The following POLN variants were observed in gnomAD, a reference collection of about 807,000 sequenced individuals.
POLN encodes DNA polymerase nu.
In POLN, 108 loss-of-function variants were observed where a neutral mutation model predicts 113.5. The ratio of observed to expected loss-of-function variants is 0.95; its 90% CI spans 0.81 to 1.12. The LOEUF (loss-of-function observed/expected upper bound fraction) is 1.12. POLN is among the 50% of genes most tolerant of loss of function. The pLI is 0.00. For missense variants in POLN, 1,097 were observed against 1,077.1 expected (o/e 1.02, Z -0.26); for synonymous variants, 386 against 391.5 (o/e 0.99, Z 0.17).
chr4:2,089,606 C>A (rs1023576546), intron 20 of POLN: 3 of 977,874 alleles, frequency 3.1e-6, no homozygotes, highest in African/African-American at 3.3e-5. Flanking sequence ...TTTAAATTAT[C>A]AACAGTCATA....
At chr4:2,154,864 T>G (rs1732385901) in intron 16 of POLN, among the ~76,000 whole-genome samples, 1 of 152,204 alleles carries the variant, frequency 6.6e-6, no homozygotes, top group African/African-American at 2.4e-5. Flanking sequence ...GACACAAACT[T>G]CCAGTTAAAG....
At chr4:2,241,942 G>A (rs1211423740) in intron 1 of POLN, 109 bp downstream of exon 1, 15 of 985,408 alleles carry the variant, frequency 1.5e-5, no homozygotes, top group Non-Finnish European at 7.2e-6. Flanking sequence ...CCTGGAAGGA[G>A]CCCCCAGGAG....
Position 2,131,260 on chromosome 4 carries a change from G to C in POLN, c.1762C>G (p.Gln588Glu), listed in dbSNP as rs774453250. Residue 588 changes from glutamine (Q) to glutamate (E), a missense_variant, in exon 17 of 26, where the codon CAG (glutamine) becomes GAG (glutamate). Gln to Glu is a conservative substitution (Grantham distance 29, BLOSUM62 2). Coordinates refer to ENST00000511885, the MANE Select transcript of POLN (RefSeq NM_181808.4). ...NIQGISKHPI[Q>E]ITTPKNFKGK... is the part of the protein sequence containing the mutation. ...TTAAAATTCTTAGGTGTAGTAATCT[G>C]AATTGGGTGCTTGGAGATACCTTGG... 1.3e-6 allele frequency: 2 copies of C among 1,593,374 alleles called. No homozygotes were observed. Among genetic ancestry groups the C allele is most frequent in the African/African-American group, 2.7e-5 (2 of 74,410 alleles).
Position 2,072,958 on chromosome 4 carries a change from G to A in POLN, c.2517+10C>T, listed in dbSNP as rs780931377. On this transcript the variant is annotated intron_variant, in intron 25 of 25. Coordinates refer to ENST00000511885, the MANE Select transcript of POLN (RefSeq NM_181808.4). ...TCCGGAAGACCGGGCAGGCTTAAGT[G>A]TCCCCTCACCTGAAGCTGCAGCTCC... The A allele has an allele frequency of 1.2e-6, 2 of 1,612,752 alleles. No individual in the cohort carries two copies. Among genetic ancestry groups the A allele is most frequent in the Non-Finnish European group, 1.7e-6 (2 of 1,179,756 alleles).
At position 2,109,014 on chromosome 4, in the gene POLN, G is replaced by A. The variant is rs551875723; in HGVS notation, c.1983-13081C>T. The stretch of plus-strand genomic sequence containing the variant: ...GCTAAGCAGAGCTGCTGCTTTGGAG[G>A]GTTTGTAGCGCTAGGAGGCTTTGAG... On this transcript the variant is annotated intron_variant, in intron 19 of 25. Coordinates refer to ENST00000511885, the MANE Select transcript of POLN (RefSeq NM_181808.4). 9.2e-5 allele frequency among the ~76,000 whole-genome samples: 14 copies of A among 152,088 alleles called. No homozygotes were observed. In the South Asian group the frequency reaches 2.9e-3, roughly 32 times the overall value.
chr4:2,135,474 C>G (rs986396618), intron 16 of POLN, among the ~76,000 whole-genome samples: 2 of 152,326 alleles, frequency 1.3e-5, no homozygotes, highest in South Asian at 4.1e-4. Flanking sequence ...ACATGAAACA[C>G]TGCTGCGCTT....
Position 2,156,818 on chromosome 4 carries a change from A to G in POLN, c.1701T>C (p.Thr567=), listed in dbSNP as rs1400808232. 6.2e-7 allele frequency: 1 copy of G among 1,613,328 alleles called. No homozygotes were observed. The highest frequency in any genetic ancestry group is 2.2e-5 in the East Asian group (1 of 44,900). Residue 567 remains threonine (T), a synonymous_variant, in exon 16 of 26, where the codon ACT becomes ACC. Transcript: ENST00000511885. The part of the protein sequence containing the change: ...SISSTWNQTG[T]VTGRLSAKHP... ...GCTTGGCTGAAAGTCTTCCAGTCAC[A>G]GTTCCAGTCTGATTCCATGTAGAGG...
intron 5 of POLN, among the ~76,000 whole-genome samples, chr4:2,205,355 A>T (rs1733816651): frequency 6.6e-6 from 1 of 152,178 alleles, no homozygotes; most frequent in Admixed American, 6.5e-5. Context: ...GCAAAAAAAT[A>T]AAATACTTAG....
At chr4:2,085,857 G>C in intron 20 of POLN, 113 bp from the exon 21 acceptor site, 3 of 1,442,670 alleles carry the variant, frequency 2.1e-6, no homozygotes, top group Non-Finnish European at 2.8e-6. Context: ...GATGGGTTGG[G>C]ATGGAGTTGG....
intron 19 of POLN, among the ~76,000 whole-genome samples, chr4:2,114,779 T>C (rs1315342457): frequency 1.3e-5 from 2 of 152,174 alleles, no homozygotes; most frequent in Non-Finnish European, 2.9e-5. Flanking sequence ...TTGACATCTT[T>C]AATCAATTTT....
intron 3 of POLN, among the ~76,000 whole-genome samples, chr4:2,220,943 G>T (rs988858869): frequency 6.6e-6 from 1 of 151,924 alleles, no homozygotes; most frequent in African/African-American, 2.4e-5. Context: ...AACTTTGTTT[G>T]TTTTTTCTGT....
chr4:2,152,034 CTTCT>C (rs754340196), intron 16 of POLN, among the ~76,000 whole-genome samples: 10 of 148,296 alleles, frequency 6.7e-5, no homozygotes, highest in Non-Finnish European at 1.5e-4. Context: ...TTCTTTCTTT[CTTCT>C]TTTTTTTTTT....
chr4:2,199,843 C>G (rs1733668843), intron 5 of POLN, among the ~76,000 whole-genome samples: 1 of 152,086 alleles, frequency 6.6e-6, no homozygotes, highest in African/African-American at 2.4e-5. Context: ...TCCCAAAGTG[C>G]TAGGATTACA....
At chr4:2,097,735 C>G (rs1292993429) in intron 19 of POLN, among the ~76,000 whole-genome samples, 1 of 152,182 alleles carries the variant, frequency 6.6e-6, no homozygotes, top group Non-Finnish European at 1.5e-5. Context: ...AACTCCTGGT[C>G]TCAAGGGATC....
intron 19 of POLN, among the ~76,000 whole-genome samples, chr4:2,109,958 G>GT (rs1332828281): frequency 2.0e-5 from 3 of 151,718 alleles, no homozygotes; most frequent in Non-Finnish European, 4.4e-5. Context: ...TTTTGGTATT[G>GT]TTTTAGAGGT....
intron 19 of POLN, among the ~76,000 whole-genome samples, chr4:2,112,960 C>A (rs1282344972): frequency 2.0e-5 from 3 of 151,844 alleles, no homozygotes; most frequent in Non-Finnish European, 4.4e-5. Context: ...GGCACTATTC[C>A]CAATAGCAAA....
chr4:2,113,020 A>T (rs1236773362), intron 19 of POLN, among the ~76,000 whole-genome samples: 2 of 152,080 alleles, frequency 1.3e-5, no homozygotes, highest in Non-Finnish European at 2.9e-5. Flanking sequence ...GATTAAGAAA[A>T]TGTAGCACAT....
chr4:2,147,638 C>CTTTTTT (rs1553897834), intron 16 of POLN, among the ~76,000 whole-genome samples: 7 of 21,140 alleles, frequency 3.3e-4, no homozygotes, highest in East Asian at 6.8e-4. Flanking sequence ...TCCAGTTTTT[C>CTTTTTT]TTTTCTTTTT....
intron 13 of POLN, among the ~76,000 whole-genome samples, chr4:2,166,941 T>C (rs1028947920): frequency 1.3e-5 from 2 of 152,190 alleles, no homozygotes; most frequent in African/African-American, 2.4e-5. Context: ...ATACCTATTA[T>C]CTGTATCTAT....
Sources: allele counts gnomAD v4.1 joint callset (sites outside exome capture counted in the v4.1 genomes callset), GRCh38; gene constraint gnomAD v4.1.1; transcripts MANE v1.5; gene names NCBI Gene and HGNC (gene_info 2026-07-23, HGNC 2026-07-21).